The following PTPRZ1 variants were observed in gnomAD, a reference collection of about 807,000 sequenced individuals.
PTPRZ1 encodes receptor-type tyrosine-protein phosphatase zeta.
A neutral mutation model predicts 214.1 loss-of-function variants in PTPRZ1; 82 were observed. That is an observed-to-expected ratio of 0.38 (90% CI 0.32 to 0.46). The LOEUF (loss-of-function observed/expected upper bound fraction) is 0.46. Among genes scored for constraint, PTPRZ1 ranks in the 20% least tolerant of loss-of-function variants. The pLI, the probability that PTPRZ1 is intolerant of heterozygous loss-of-function variation, is 1.00. For missense variants in PTPRZ1, 2,603 were observed against 2,748.7 expected (o/e 0.95, Z 1.19); for synonymous variants, 945 against 987.9 (o/e 0.96, Z 0.81).
intron 4 of PTPRZ1, among the ~76,000 whole-genome samples, chr7:121,975,471 C>A (rs1273230804): frequency 6.6e-6 from 1 of 152,134 alleles, no homozygotes. Context: ...TTTGGTGACT[C>A]GCCCAAAGCA....
intron 2 of PTPRZ1, among the ~76,000 whole-genome samples, chr7:121,961,478 A>G (rs1796874641): frequency 6.6e-6 from 1 of 152,156 alleles, no homozygotes; most frequent in Non-Finnish European, 1.5e-5. Context: ...CTTGTTATCC[A>G]TGTTTACTTT....
At chr7:121,986,881 G>A (rs1797776439) in intron 8 of PTPRZ1, among the ~76,000 whole-genome samples, 1 of 152,060 alleles carries the variant, frequency 6.6e-6, no homozygotes, top group Admixed American at 6.6e-5. Context: ...TCCTATATGT[G>A]TGCCTTCCCC....
At chr7:121,906,279 A>G (rs1795112776) in intron 1 of PTPRZ1, among the ~76,000 whole-genome samples, 1 of 152,164 alleles carries the variant, frequency 6.6e-6, no homozygotes, top group African/African-American at 2.4e-5. Flanking sequence ...TGCCTTATGA[A>G]CTTTTGTGTT....
intron 1 of PTPRZ1, among the ~76,000 whole-genome samples, chr7:121,895,908 G>A (rs745367152): frequency 6.6e-6 from 1 of 152,156 alleles, no homozygotes; most frequent in Non-Finnish European, 1.5e-5. Context: ...GTTGCACTTG[G>A]AAGGTTAGAA....
At chr7:121,885,374 T>C (rs1472074668) in intron 1 of PTPRZ1, among the ~76,000 whole-genome samples, 4 of 152,178 alleles carry the variant, frequency 2.6e-5, no homozygotes, top group Admixed American at 2.6e-4. Flanking sequence ...TGGAGAATTT[T>C]GAACGTAGAT....
intron 1 of PTPRZ1, among the ~76,000 whole-genome samples, chr7:121,892,418 G>A (rs892347728): frequency 2.0e-5 from 3 of 152,044 alleles, no homozygotes; most frequent in African/African-American, 7.2e-5. Context: ...AGGTGGGGTG[G>A]TGGGATAGGA....
At chr7:121,982,536 A>G (rs1252370185) in intron 6 of PTPRZ1, among the ~76,000 whole-genome samples, 2 of 152,156 alleles carry the variant, frequency 1.3e-5, no homozygotes, top group Non-Finnish European at 2.9e-5. Flanking sequence ...CCATTTTAAT[A>G]TTTATTTAAT....
intron 2 of PTPRZ1, among the ~76,000 whole-genome samples, chr7:121,956,915 C>T (rs1796723578): frequency 1.3e-5 from 2 of 151,972 alleles, no homozygotes; most frequent in African/African-American, 4.8e-5. Flanking sequence ...TGCTCCTTCC[C>T]CCCCAAAAAA....
chr7:122,032,631 A>G (rs963787665), intron 15 of PTPRZ1, among the ~76,000 whole-genome samples: 2 of 152,172 alleles, frequency 1.3e-5, no homozygotes, highest in African/African-American at 4.8e-5. Flanking sequence ...TGCACCCAGC[A>G]GTTGCTTCCC....
chr7:121,942,129 G>C (rs980350505), intron 2 of PTPRZ1, among the ~76,000 whole-genome samples: 1 of 152,166 alleles, frequency 6.6e-6, no homozygotes, highest in African/African-American at 2.4e-5. Context: ...AGGAAGTATA[G>C]TTTTTAAAAA....
chr7:121,882,885 A>G (rs1325109095), intron 1 of PTPRZ1, among the ~76,000 whole-genome samples: 2 of 152,164 alleles, frequency 1.3e-5, no homozygotes, highest in African/African-American at 2.4e-5. Flanking sequence ...TATGAATGTA[A>G]TTGGTATAAT....
chr7:121,893,542 A>G (rs1794701325), intron 1 of PTPRZ1, among the ~76,000 whole-genome samples: 1 of 152,156 alleles, frequency 6.6e-6, no homozygotes, highest in African/African-American at 2.4e-5. Context: ...CAGAAATTGC[A>G]CTCTTCAGTT....
At chr7:121,910,103 G>A (rs1795226058) in intron 1 of PTPRZ1, among the ~76,000 whole-genome samples, 1 of 152,186 alleles carries the variant, frequency 6.6e-6, no homozygotes, top group Non-Finnish European at 1.5e-5. Context: ...CTCAGCTTCA[G>A]CCATTCTGGC....
At position 121,996,487 on chromosome 7, in the gene PTPRZ1, A is replaced by G. The variant is rs1798140574; in HGVS notation, c.1034A>G (p.Lys345Arg). ...GTCGTTTATGATACCATGATTGAGA[A>G]GTTTGCAGTTTTGTACCAGCAGTTG... is the stretch of plus-strand genomic sequence containing the variant. Reference protein sequence around the residue: ...PRVVYDTMIEKFAVLYQQLDG... With the variant: ...PRVVYDTMIERFAVLYQQLDG... Residue 345 changes from lysine to arginine, a missense_variant, in exon 9 of 30, where the codon AAG becomes AGG. Around this residue, in one of 6 missense-constraint regions of PTPRZ1, gnomAD observed 244 missense variants for 333.2 expected, o/e 0.73. Coordinates refer to ENST00000393386, the MANE Select transcript of PTPRZ1 (RefSeq NM_002851.3). 1 of 1,613,386 alleles carries G rather than the reference A, an allele frequency of 6.2e-7. No individual in the cohort carries two copies. The highest frequency in any genetic ancestry group is 1.1e-5 in the South Asian group (1 of 91,016).
At chr7:122,054,850 T>G in intron 26 of PTPRZ1, 91 bp from the exon 27 acceptor site, 3 of 1,305,110 alleles carry the variant, frequency 2.3e-6, no homozygotes, top group Non-Finnish European at 3.1e-6. Context: ...GAGTTGAAAT[T>G]TCTGTGCCAA....
intron 15 of PTPRZ1, 66 bp downstream of exon 15, chr7:122,031,625 A>G (rs1799379148): frequency 1.7e-6 from 2 of 1,184,492 alleles, no homozygotes; most frequent in Non-Finnish European, 2.4e-6. Flanking sequence ...ATTCAGCAAT[A>G]GGCTATTTCT....
At chr7:121,908,732 T>G (rs1365167112) in intron 1 of PTPRZ1, 3 of 487,872 alleles carry the variant, frequency 6.1e-6, no homozygotes, top group Admixed American at 4.8e-5. Flanking sequence ...TTTCAATAAG[T>G]ACATTTCAGG....
intron 1 of PTPRZ1, among the ~76,000 whole-genome samples, chr7:121,909,407 C>T (rs936605732): frequency 6.6e-6 from 1 of 152,002 alleles, no homozygotes; most frequent in Non-Finnish European, 1.5e-5. Flanking sequence ...GAGAGGATTT[C>T]GGGGAGGAAA....
intron 12 of PTPRZ1, among the ~76,000 whole-genome samples, chr7:122,017,574 T>TATTC (rs1798881507): frequency 6.6e-6 from 1 of 151,204 alleles, no homozygotes; most frequent in South Asian, 2.1e-4. Flanking sequence ...TTTATTTATT[T>TATTC]ATTTTGAGAT....
Sources: gnomAD v4.1 joint callset for allele counts (sites outside exome capture counted in the v4.1 genomes callset) on GRCh38, gnomAD v4.1.1 for gene constraint, gnomAD v4.1.1 regional missense constraint, MANE v1.5 for transcripts, NCBI Gene and HGNC (gene_info 2026-07-23, HGNC 2026-07-21) for gene names.